Variants in WDR70 observed in about 807,000 individuals in gnomAD.
WDR70 encodes the protein WD repeat-containing protein 70.
In WDR70, 53 loss-of-function variants were observed where a neutral mutation model predicts 88.6. The ratio of observed to expected loss-of-function variants is 0.60; its 90% CI spans 0.48 to 0.75. The LOEUF is 0.75. Ranked by LOEUF, WDR70 falls within the 30% of genes least tolerant of loss-of-function variation. WDR70 has a pLI of 0.00. For synonymous variants in WDR70, 280 were observed against 270.0 expected (o/e 1.04, Z -0.36); for missense variants, 610 against 823.2 (o/e 0.74, Z 3.17).
At chr5:37,486,447 G>A (rs936864446) in intron 8 of WDR70, among the ~76,000 whole-genome samples, 3 of 151,832 alleles carry the variant, frequency 2.0e-5, no homozygotes, top group Middle Eastern at 3.4e-3. Context: ...GGGTTCAAGC[G>A]ATTCTCCTGC....
intron 9 of WDR70, among the ~76,000 whole-genome samples, chr5:37,529,413 G>A (rs553919545): frequency 2.6e-5 from 4 of 152,108 alleles, no homozygotes; most frequent in Non-Finnish European, 5.9e-5. Flanking sequence ...GCTTTTGGCA[G>A]TATGGTCATT....
chr5:37,597,024 G>T (rs182372981), intron 9 of WDR70, among the ~76,000 whole-genome samples: 1 of 152,222 alleles, frequency 6.6e-6, no homozygotes, highest in East Asian at 1.9e-4. Flanking sequence ...TTATATGTCA[G>T]TACTCTATTA....
chr5:37,517,662 A>G (rs1272224227), intron 9 of WDR70, among the ~76,000 whole-genome samples: 2 of 151,582 alleles, frequency 1.3e-5, no homozygotes, highest in African/African-American at 4.8e-5. Flanking sequence ...CTATGGCACC[A>G]GACCCTAAAA....
At chr5:37,442,161 T>C (rs1750675496) in intron 6 of WDR70, among the ~76,000 whole-genome samples, 1 of 149,340 alleles carries the variant, frequency 6.7e-6, no homozygotes, top group African/African-American at 2.5e-5. Flanking sequence ...CCTCAGCCTC[T>C]CAAATAGCTG....
At chr5:37,634,075 G>A (rs536430993) in intron 10 of WDR70, among the ~76,000 whole-genome samples, 25 of 151,974 alleles carry the variant, frequency 1.6e-4, no homozygotes, top group African/African-American at 5.1e-4. Context: ...CTTGGTGAGC[G>A]CATCACGAGG....
intron 9 of WDR70, among the ~76,000 whole-genome samples, chr5:37,589,249 T>TACACACACACACACAC (rs57446016): frequency 2.0e-4 from 28 of 140,004 alleles, no homozygotes; most frequent in East Asian, 4.3e-4. Flanking sequence ...CCTACACACA[T>TACACACACACACACAC]ACACACACAC....
At chr5:37,506,395 C>G (rs543815001) in intron 8 of WDR70, 7 of 783,988 alleles carry the variant, frequency 8.9e-6, no homozygotes, top group Non-Finnish European at 1.4e-5. Flanking sequence ...ATGAGCTGTC[C>G]ATGACACAAG....
intron 10 of WDR70, among the ~76,000 whole-genome samples, chr5:37,674,634 G>C (rs531236615): frequency 6.6e-6 from 1 of 152,030 alleles, no homozygotes; most frequent in East Asian, 1.9e-4. Flanking sequence ...GTCTATCATC[G>C]TTGGACGTTT....
intron 9 of WDR70, among the ~76,000 whole-genome samples, chr5:37,564,299 A>G (rs1379585532): frequency 6.6e-6 from 1 of 152,094 alleles, no homozygotes; most frequent in Non-Finnish European, 1.5e-5. Context: ...CGAGGCTGGC[A>G]GATCACTCGT....
At chr5:37,440,436 C>T (rs577777664) in intron 6 of WDR70, among the ~76,000 whole-genome samples, 1 of 152,290 alleles carries the variant, frequency 6.6e-6, no homozygotes, top group East Asian at 1.9e-4. Context: ...GCCTCCACCT[C>T]CCAGGGGTAA....
chr5:37,679,902 C>T (rs752694840), intron 10 of WDR70, among the ~76,000 whole-genome samples: 48 of 152,258 alleles, frequency 3.2e-4, no homozygotes, highest in Admixed American at 2.7e-3. Flanking sequence ...TGGAGCTTCC[C>T]GGCTGCTTTG....
At chr5:37,618,671 G>A (rs953708814) in intron 10 of WDR70, among the ~76,000 whole-genome samples, 1 of 152,174 alleles carries the variant, frequency 6.6e-6, no homozygotes, top group African/African-American at 2.4e-5. Flanking sequence ...AGGTTGAGGT[G>A]GGTGGATATA....
chr5:37,543,868 A>G (rs1464814307), intron 9 of WDR70, among the ~76,000 whole-genome samples: 1 of 152,158 alleles, frequency 6.6e-6, no homozygotes, highest in Admixed American at 6.5e-5. Flanking sequence ...TCCTGGGTTC[A>G]GGCGATTCTG....
At chr5:37,392,177 G>GTTTTTTTT in intron 4 of WDR70, 57 bp downstream of exon 4, 1 of 1,310,524 alleles carries the variant, frequency 7.6e-7, no homozygotes, top group Non-Finnish European at 1.0e-6. Context: ...TGTTTATAGA[G>GTTTTTTTT]TTTTTTTTTT....
At chr5:37,684,296 C>T (rs1365903658) in intron 10 of WDR70, among the ~76,000 whole-genome samples, 1 of 152,140 alleles carries the variant, frequency 6.6e-6, no homozygotes, top group East Asian at 1.9e-4. Context: ...CTATTTCTGT[C>T]ATTTCAGCCG....
At chr5:37,440,157 T>A (rs1306101309) in intron 6 of WDR70, among the ~76,000 whole-genome samples, 1 of 152,228 alleles carries the variant, frequency 6.6e-6, no homozygotes, top group Non-Finnish European at 1.5e-5. Context: ...TATAAGATTT[T>A]GTGCTTTTTC....
At chr5:37,420,406 T>C (rs1042877451) in intron 5 of WDR70, among the ~76,000 whole-genome samples, 2 of 152,178 alleles carry the variant, frequency 1.3e-5, no homozygotes, top group African/African-American at 4.8e-5. Context: ...TACAAGTAGA[T>C]TTGCCTGTGC....
chr5:37,485,510 A>G (rs1739834814), intron 8 of WDR70, among the ~76,000 whole-genome samples: 1 of 152,274 alleles, frequency 6.6e-6, no homozygotes, highest in South Asian at 2.1e-4. Context: ...ATTAACCCCC[A>G]AGCATAGTGC....
chr5:37,469,406 TG>T (rs1261964172), intron 7 of WDR70, among the ~76,000 whole-genome samples: 1 of 152,228 alleles, frequency 6.6e-6, no homozygotes, highest in Admixed American at 6.5e-5. Flanking sequence ...TTGGATATTC[TG>T]TTTCTTTGGA....
Sources: allele counts gnomAD v4.1 joint callset (sites outside exome capture counted in the v4.1 genomes callset), GRCh38; gene constraint gnomAD v4.1.1; transcripts MANE v1.5; gene names NCBI Gene and HGNC (gene_info 2026-07-23, HGNC 2026-07-21).